HMGN5: variants seen among roughly 807,000 people sequenced by gnomAD.
The protein encoded by HMGN5 is high mobility group nucleosome binding domain 5.
A neutral mutation model predicts 9.5 loss-of-function variants in HMGN5; 4 were observed. The ratio of observed to expected loss-of-function variants is 0.42; its 90% CI spans 0.21 to 0.96. The LOEUF is 0.96. Ranked by LOEUF, HMGN5 falls within the 40% of genes least tolerant of loss-of-function variation. HMGN5 has a pLI of 0.30. For missense variants in HMGN5, 192 were observed against 187.5 expected (o/e 1.02, Z -0.14); for synonymous variants, 55 against 57.1 (o/e 0.96, Z 0.16).
In HMGN5 at chrX:81,115,026, T is replaced by C. The variant is rs1199243473; in HGVS notation, c.472A>G (p.Lys158Glu). ...DKDEKGEEDGKEDKNGNEKGE... is the reference protein window; with the variant it reads ...DKDEKGEEDGEEDKNGNEKGE... ...TTCTCATTTCCATTTTTATCCTCTTTTCCATCTTCTTCCCCTTTTTCATCT... is the reference window on the plus strand; with the variant it reads ...TTCTCATTTCCATTTTTATCCTCTTCTCCATCTTCTTCCCCTTTTTCATCT... Residue 158 changes from lysine to glutamate, a missense_variant, in exon 7 of 7, where the codon AAA becomes GAA. Transcript: ENST00000358130. 1 of 1,152,701 alleles carries C rather than the reference T, an allele frequency of 8.7e-7. No homozygotes were observed. The highest frequency in any genetic ancestry group is 2.7e-5 in the Admixed American group (1 of 36,464). The allele number at this position is 1,152,701 out of a possible 1,213,427, so 95.0% of individuals were successfully genotyped here.
At chrX:81,182,558 AC>A (rs922505373) in intron 1 of HMGN5, among the ~76,000 whole-genome samples, 24 of 111,345 alleles carry the variant, frequency 2.2e-4, no homozygotes, top group African/African-American at 7.8e-4. Flanking sequence ...GGCACCCCCC[AC>A]CCCAAGCTTC....
intron 1 of HMGN5, among the ~76,000 whole-genome samples, chrX:81,178,788 T>A (rs1265379601): frequency 9.0e-6 from 1 of 111,590 alleles, no homozygotes; most frequent in East Asian, 2.8e-4. Flanking sequence ...TGAATATAGA[T>A]GAGAAAATCC....
intron 1 of HMGN5, among the ~76,000 whole-genome samples, chrX:81,188,076 T>G (rs1320192207): frequency 2.7e-5 from 3 of 109,576 alleles, no homozygotes; most frequent in African/African-American, 9.9e-5. Context: ...GTACTGTCTA[T>G]GTCTTGAAAA....
chrX:81,194,608 T>G (rs1191353798), intron 1 of HMGN5, among the ~76,000 whole-genome samples: 1 of 112,027 alleles, frequency 8.9e-6, no homozygotes, highest in East Asian at 2.8e-4. Context: ...AATGAGGACC[T>G]TACACTACTT....
At chrX:81,192,532 A>G (rs2075496813) in intron 1 of HMGN5, among the ~76,000 whole-genome samples, 1 of 111,692 alleles carries the variant, frequency 9.0e-6, no homozygotes, top group African/African-American at 3.2e-5. Context: ...TGTTTTACAC[A>G]TTGCTCATTC....
At chrX:81,190,670 C>T (rs753214225) in intron 1 of HMGN5, among the ~76,000 whole-genome samples, 1 of 111,631 alleles carries the variant, frequency 9.0e-6, no homozygotes, top group East Asian at 2.8e-4. Context: ...CCTAGATTTT[C>T]TCCTATGGTA....
At chrX:81,192,250 C>A (rs2075496276) in intron 1 of HMGN5, among the ~76,000 whole-genome samples, 2 of 111,523 alleles carry the variant, frequency 1.8e-5, no homozygotes, top group Middle Eastern at 4.2e-3. Flanking sequence ...CTGTGTATTT[C>A]TTTTCTTGAA....
At chrX:81,156,907 G>A (rs2075384619) in intron 1 of HMGN5, among the ~76,000 whole-genome samples, 1 of 111,151 alleles carries the variant, frequency 9.0e-6, no homozygotes, top group Non-Finnish European at 1.9e-5. Flanking sequence ...TGTTTAAGAT[G>A]AAGCTCGTAG....
At chrX:81,175,195 T>C (rs910598634) in intron 1 of HMGN5, among the ~76,000 whole-genome samples, 3 of 112,203 alleles carry the variant, frequency 2.7e-5, no homozygotes, top group African/African-American at 9.7e-5. Flanking sequence ...TAAGAATGTA[T>C]TATGCGAAAC....
chrX:81,198,891 G>A (rs1325154184), intron 1 of HMGN5, among the ~76,000 whole-genome samples: 1 of 111,783 alleles, frequency 8.9e-6, no homozygotes, highest in Non-Finnish European at 1.9e-5. Flanking sequence ...AATCAGGCAA[G>A]AGAAAGAAAG....
intron 1 of HMGN5, among the ~76,000 whole-genome samples, chrX:81,157,040 C>G (rs908409891): frequency 4.5e-5 from 5 of 111,709 alleles, no homozygotes; most frequent in African/African-American, 1.6e-4. Flanking sequence ...GATAGTGGGT[C>G]TCTCTTGGAA....
rs752549607 is a variant in HMGN5, at chrX:81,137,306, C to CA, written c.-123-15635dup. On this transcript the variant is annotated intron_variant, in intron 1 of 6. Coordinates refer to ENST00000358130, the MANE Select transcript of HMGN5 (RefSeq NM_030763.3). ...CATTTTTAAGCATTCATTGAACATT[C>CA]ATCAAGATATACCATACCCAGCATC... 9.8e-5 allele frequency among the ~76,000 whole-genome samples: 11 copies of CA among 111,714 alleles called. No homozygotes were observed. In the East Asian group the frequency reaches 2.5e-3, roughly 26 times the overall value.
intron 1 of HMGN5, among the ~76,000 whole-genome samples, chrX:81,160,969 T>C (rs1436618460): frequency 9.0e-6 from 1 of 111,685 alleles, no homozygotes; most frequent in African/African-American, 3.3e-5. Flanking sequence ...TGATGAGTTA[T>C]TTCCAACTGT....
chrX:81,167,606 T>G (rs1248405498), intron 1 of HMGN5, among the ~76,000 whole-genome samples: 2 of 112,275 alleles, frequency 1.8e-5, no homozygotes, highest in Non-Finnish European at 3.8e-5. Flanking sequence ...CCAACTGAAC[T>G]GATTTAATAG....
At chrX:81,191,648 C>G (rs2075494574) in intron 1 of HMGN5, among the ~76,000 whole-genome samples, 1 of 112,014 alleles carries the variant, frequency 8.9e-6, no homozygotes, top group South Asian at 3.7e-4. Flanking sequence ...TTTTGACCCC[C>G]ACATGGCCAT....
chrX:81,116,697 G>A (rs948676751), intron 5 of HMGN5, among the ~76,000 whole-genome samples: 1 of 112,083 alleles, frequency 8.9e-6, no homozygotes, highest in African/African-American at 3.2e-5. Context: ...TCTAGAGAGG[G>A]TCAGTTTATT....
At chrX:81,150,061 C>A (rs1271707860) in intron 1 of HMGN5, among the ~76,000 whole-genome samples, 1 of 112,051 alleles carries the variant, frequency 8.9e-6, no homozygotes, top group East Asian at 2.8e-4. Flanking sequence ...CCAAATGATT[C>A]TAACAGATAT....
rs986136646 is a variant in HMGN5 at position 81,175,090 on chromosome X, G to A, written c.-124+26647C>T. Among the ~76,000 whole-genome samples the A allele has an allele frequency of 2.7e-5, 3 of 111,859 alleles. No homozygotes were observed. In the Admixed American group the frequency reaches 2.9e-4, roughly 11 times the overall value. On this transcript the variant is annotated intron_variant, in intron 1 of 6. Transcript: ENST00000358130. The stretch of plus-strand genomic sequence containing the variant: ...ATGGAAGAATATGATTTATTTATTT[G>A]AACATAAGAGTGGAAGTCTAAGAAA...
intron 1 of HMGN5, among the ~76,000 whole-genome samples, chrX:81,192,484 C>T (rs895070769): frequency 1.7e-4 from 19 of 111,421 alleles, no homozygotes; most frequent in African/African-American, 5.9e-4. Context: ...TCTTTTAGTT[C>T]TGTACATATT....
Sources: allele counts gnomAD v4.1 joint callset (sites outside exome capture counted in the v4.1 genomes callset), GRCh38; gene constraint gnomAD v4.1.1; transcripts MANE v1.5; gene names NCBI Gene and HGNC (gene_info 2026-07-23, HGNC 2026-07-21).